The following MEIS2 variants were observed in gnomAD, a reference collection of about 807,000 sequenced individuals.
MEIS2 encodes the protein Meis homeobox 2.
Under a neutral mutation model 58.6 loss-of-function variants are expected in MEIS2, and 9 were observed. The ratio of observed to expected loss-of-function variants is 0.15; its 90% confidence interval spans 0.09 to 0.27. The LOEUF (loss-of-function observed/expected upper bound fraction) is 0.27, where lower values mean the gene tolerates loss of function less well. MEIS2 is among the 10% of genes least tolerant of loss of function. The probability of loss-of-function intolerance (pLI) is 1.00; values close to 1 mark genes in which losing one functional copy is unlikely to be tolerated. For missense variants in MEIS2, 427 were observed against 635.0 expected (o/e 0.67, Z 3.52); for synonymous variants, 221 against 228.4 (o/e 0.97, Z 0.29).
chr15:37,017,797 A>G (rs1268835044), intron 8 of MEIS2, among the ~76,000 whole-genome samples: 2 of 152,120 alleles, frequency 1.3e-5, no homozygotes, highest in African/African-American at 2.4e-5. Flanking sequence ...ATTTATTTCT[A>G]TCTCACACCC....
At chr15:37,099,158 G>A in intron 1 of MEIS2, 1 of 1,216,164 alleles carries the variant, frequency 8.2e-7, no homozygotes, top group South Asian at 3.1e-5. Flanking sequence ...GCGAAAGCGT[G>A]TAACGATTGC....
intron 9 of MEIS2, among the ~76,000 whole-genome samples, chr15:36,900,643 G>A (rs1027046160): frequency 6.6e-6 from 1 of 152,152 alleles, no homozygotes; most frequent in Non-Finnish European, 1.5e-5. Flanking sequence ...AAATATCACT[G>A]TAATCTCATC....
At position 37,093,741 on chromosome 15, in the gene MEIS2, G is replaced by C. The variant is rs1451915012; in HGVS notation, c.490-11C>G. The C allele has an allele frequency of 6.2e-7, 1 of 1,613,682 alleles. No homozygotes were observed. Among genetic ancestry groups the C allele is most frequent in the African/African-American group, 1.3e-5 (1 of 75,040 alleles). ...GCACAGTTCGTGGACCTAGAACGAA[G>C]GTCATGGTGGAGGGTTTAGCTCATG... On this transcript the variant is annotated splice_polypyrimidine_tract_variant and intron_variant, in intron 5 of 11. Transcript: ENST00000561208.
chr15:37,010,952 C>T lies in MEIS2; in HGVS notation c.900+25862G>A, dbSNP rs530080823. ...ACAAACACCGTCATTCTTATCATAT[C>T]TCCTTTTGCCCATCTCTCTGTATTT... is the stretch of plus-strand genomic sequence containing the variant. On this transcript the variant is annotated intron_variant, in intron 8 of 11. Coordinates refer to ENST00000561208, the MANE Select transcript of MEIS2 (RefSeq NM_170675.5). 2.0e-5 allele frequency among the ~76,000 whole-genome samples: 3 copies of T among 152,354 alleles called. No individual in the cohort carries two copies. The East Asian group carries it at 5.8e-4, about 29-fold the overall frequency.
chr15:36,933,307 C>T (rs2058048375), intron 9 of MEIS2, among the ~76,000 whole-genome samples: 1 of 152,144 alleles, frequency 6.6e-6, no homozygotes, highest in Non-Finnish European at 1.5e-5. Flanking sequence ...ATTAGAGGGT[C>T]TTCCCAAGGC....
intron 8 of MEIS2, among the ~76,000 whole-genome samples, chr15:36,966,137 A>T (rs138573388): frequency 6.6e-6 from 1 of 152,262 alleles, no homozygotes; most frequent in Non-Finnish European, 1.5e-5. Flanking sequence ...TTAATAATTC[A>T]TTTTGAGGAG....
chr15:37,019,654 T>C (rs554186575), intron 8 of MEIS2, among the ~76,000 whole-genome samples: 17 of 152,124 alleles, frequency 1.1e-4, no homozygotes, highest in African/African-American at 3.9e-4. Context: ...ATATGGCCCG[T>C]AGAGGGTAGG....
intron 9 of MEIS2, among the ~76,000 whole-genome samples, chr15:36,922,619 C>CTTTTTTTT (rs59227539): frequency 8.7e-5 from 11 of 126,876 alleles, no homozygotes; most frequent in African/African-American, 8.7e-5. Flanking sequence ...TTCTTTCTTT[C>CTTTTTTTT]TTTTTTTTTT....
intron 8 of MEIS2, among the ~76,000 whole-genome samples, chr15:37,030,677 G>C (rs1194656459): frequency 6.6e-6 from 1 of 151,428 alleles, no homozygotes; most frequent in African/African-American, 2.4e-5. Context: ...CTTTGAGACA[G>C]GGTCTCACTT....
At chr15:37,097,591 T>C (rs1285294041) in intron 2 of MEIS2, among the ~76,000 whole-genome samples, 2 of 152,142 alleles carry the variant, frequency 1.3e-5, no homozygotes, top group East Asian at 3.9e-4. Flanking sequence ...CCAAAGTTGC[T>C]TCTCATCGGC....
chr15:36,911,784 C>A (rs927181883), intron 9 of MEIS2, among the ~76,000 whole-genome samples: 1 of 152,118 alleles, frequency 6.6e-6, no homozygotes, highest in Admixed American at 6.5e-5. Context: ...CTTATTGACT[C>A]CAGGGAGCAC....
intron 8 of MEIS2, among the ~76,000 whole-genome samples, chr15:36,995,992 T>TATATATGTATATATATATAC (rs2060496144): frequency 1.9e-5 from 1 of 52,726 alleles, no homozygotes; most frequent in Non-Finnish European, 5.6e-5. Context: ...TATATATATA[T>TATATATGTATATATATATAC]ATATATATAT....
At chr15:37,010,536 C>G (rs373673206) in intron 8 of MEIS2, among the ~76,000 whole-genome samples, 5 of 152,136 alleles carry the variant, frequency 3.3e-5, no homozygotes, top group African/African-American at 1.2e-4. Flanking sequence ...ACGCATGCCA[C>G]CATGCCTTCC....
intron 9 of MEIS2, among the ~76,000 whole-genome samples, chr15:36,927,457 C>T (rs1395432989): frequency 2.0e-5 from 3 of 152,090 alleles, no homozygotes; most frequent in Non-Finnish European, 4.4e-5. Flanking sequence ...AAGAAACTAA[C>T]GCAAAGTGGG....
intron 8 of MEIS2, among the ~76,000 whole-genome samples, chr15:37,023,653 T>C (rs1332930319): frequency 6.6e-6 from 1 of 152,160 alleles, no homozygotes; most frequent in East Asian, 1.9e-4. Flanking sequence ...TCTTGCTCTT[T>C]GGTGCTGAGA....
At chr15:36,927,021 C>G (rs137972269) in intron 9 of MEIS2, among the ~76,000 whole-genome samples, 316 of 152,244 alleles carry the variant, frequency 2.1e-3, no homozygotes, top group African/African-American at 7.2e-3. Flanking sequence ...AAACACGAAC[C>G]AGGTTGGCAA....
At chr15:36,982,695 A>G (rs2141514587) in intron 8 of MEIS2, among the ~76,000 whole-genome samples, 1 of 152,238 alleles carries the variant, frequency 6.6e-6, no homozygotes, top group South Asian at 2.1e-4. Context: ...ATCACATGAT[A>G]GTTCTATTTT....
intron 8 of MEIS2, among the ~76,000 whole-genome samples, chr15:37,025,753 C>CAAAAAAAAA (rs35154978): frequency 1.0e-5 from 1 of 96,832 alleles, no homozygotes. Flanking sequence ...ACTTGCTCTG[C>CAAAAAAAAA]AAAAAAAAAA....
At chr15:37,089,003 C>T (rs1893214637) in intron 6 of MEIS2, among the ~76,000 whole-genome samples, 2 of 152,136 alleles carry the variant, frequency 1.3e-5, no homozygotes, top group South Asian at 4.1e-4. Flanking sequence ...AAAACATACT[C>T]CAACTGCACA....
Sources: gnomAD v4.1 joint callset for allele counts (sites outside exome capture counted in the v4.1 genomes callset) on GRCh38, gnomAD v4.1.1 for gene constraint, MANE v1.5 for transcripts, NCBI Gene and HGNC (gene_info 2026-07-23, HGNC 2026-07-21) for gene names.